The following SAMMSON variants were observed in gnomAD, a reference collection of about 807,000 sequenced individuals.
SAMMSON encodes the protein long intergenic non-protein coding RNA 1212.
rs539322156 is a variant in SAMMSON at position 70,308,224 on chromosome 3, T to C, written n.739+16981T>C. On this transcript the variant is annotated intron_variant and non_coding_transcript_variant, in intron 7 of 9. Transcript: ENST00000642114. ...TGCCATTACACCCAGCTAATTTTATTTTTTTGTTTTTATTTTATTTTTTTT... is the reference window on the plus strand; with the variant it reads ...TGCCATTACACCCAGCTAATTTTATCTTTTTGTTTTTATTTTATTTTTTTT... 2.8e-5 allele frequency among the ~76,000 whole-genome samples: 4 copies of C among 144,512 alleles called. No homozygotes were observed. The East Asian group carries it at 8.6e-4, about 31-fold the overall frequency. 94.8% of individuals were successfully genotyped at this position (144,512 alleles called of 152,430 possible). A position where few individuals can be genotyped will look rare whatever the true frequency, so the allele number is the denominator to read the frequency against.
chr3:70,048,129 C>T (rs2067133889), intron 3 of SAMMSON, among the ~76,000 whole-genome samples: 1 of 151,972 alleles, frequency 6.6e-6, no homozygotes, highest in Admixed American at 6.6e-5. Flanking sequence ...TTACACATTC[C>T]ACAATTCCCT....
intron 4 of SAMMSON, among the ~76,000 whole-genome samples, chr3:70,194,115 T>C (rs972892956): frequency 1.3e-5 from 2 of 152,216 alleles, no homozygotes; most frequent in African/African-American, 4.8e-5. Flanking sequence ...AGCAATGGTT[T>C]TATAAAAAAT....
chr3:70,380,824 G>A (rs1703059910), intron 9 of SAMMSON, among the ~76,000 whole-genome samples: 1 of 152,044 alleles, frequency 6.6e-6, no homozygotes, highest in South Asian at 2.1e-4. Flanking sequence ...ATAGTTTGCT[G>A]AGAATGATGG....
chr3:70,279,695 C>T (rs1472139752), intron 6 of SAMMSON, among the ~76,000 whole-genome samples: 1 of 152,190 alleles, frequency 6.6e-6, no homozygotes, highest in Non-Finnish European at 1.5e-5. Flanking sequence ...GATGCAAACA[C>T]ACACCCTGGG....
At chr3:70,015,603 T>A (rs2066980330) in intron 3 of SAMMSON, among the ~76,000 whole-genome samples, 2 of 152,152 alleles carry the variant, frequency 1.3e-5, no homozygotes, top group African/African-American at 4.8e-5. Context: ...CTAGGGTACA[T>A]GTGCACAATG....
chr3:70,093,495 C>T (rs893171329), intron 4 of SAMMSON, among the ~76,000 whole-genome samples: 3 of 152,170 alleles, frequency 2.0e-5, no homozygotes, highest in African/African-American at 7.2e-5. Flanking sequence ...AAATGACTTG[C>T]TCTGTGTTAG....
chr3:70,150,824 A>G (rs572134094), intron 4 of SAMMSON, among the ~76,000 whole-genome samples: 8 of 152,148 alleles, frequency 5.3e-5, no homozygotes, highest in African/African-American at 7.2e-5. Flanking sequence ...CCTGGGAAAT[A>G]TGGAGGGAAA....
intron 7 of SAMMSON, among the ~76,000 whole-genome samples, chr3:70,344,249 A>G (rs140936609): frequency 2.0e-5 from 3 of 152,254 alleles, no homozygotes; most frequent in African/African-American, 7.2e-5. Context: ...CCAAGCCCCC[A>G]GTTCCATAAG....
At chr3:70,172,715 C>G (rs1214958533) in intron 4 of SAMMSON, 2 of 151,948 alleles carry the variant, frequency 1.3e-5, no homozygotes, top group Non-Finnish European at 2.9e-5. Context: ...CATATTTTCT[C>G]TAGATGCTCA....
intron 4 of SAMMSON, among the ~76,000 whole-genome samples, chr3:70,198,536 G>C (rs1171160769): frequency 2.0e-5 from 3 of 152,146 alleles, no homozygotes; most frequent in Non-Finnish European, 4.4e-5. Flanking sequence ...ACTATATAAA[G>C]TTATAAGGTG....
chr3:70,342,195 G>A (rs1702716503), intron 7 of SAMMSON, among the ~76,000 whole-genome samples: 2 of 152,128 alleles, frequency 1.3e-5, no homozygotes, highest in Non-Finnish European at 2.9e-5. Context: ...TTTGTTTGAG[G>A]CAGAAATTAA....
rs148286849 is a variant in SAMMSON at position 70,386,055 on chromosome 3, G to A, written n.914-3519G>A. On this transcript the variant is annotated intron_variant and non_coding_transcript_variant, in intron 9 of 9. Coordinates refer to ENST00000642114, the Ensembl canonical transcript of SAMMSON. ...GAGCTAGGAGAGTTCTTCGCTGTGG[G>A]GAATCACACTGGCTGCTTGCCTCCA... Among the ~76,000 whole-genome samples the A allele has an allele frequency of 5.2e-3, 796 of 152,230 alleles. 4 individuals carry two copies. The highest frequency in any genetic ancestry group is 7.5e-3 in the Non-Finnish European group (509 of 68,012).
At chr3:70,209,485 A>G (rs1240240752) in intron 4 of SAMMSON, among the ~76,000 whole-genome samples, 1 of 152,052 alleles carries the variant, frequency 6.6e-6, no homozygotes, top group Non-Finnish European at 1.5e-5. Context: ...GGAGGTAGAT[A>G]TTGTTAGCCT....
chr3:70,239,158 A>G (rs1701640517), intron 4 of SAMMSON, among the ~76,000 whole-genome samples: 1 of 152,200 alleles, frequency 6.6e-6, no homozygotes, highest in Non-Finnish European at 1.5e-5. Flanking sequence ...GCAATAGTGA[A>G]AAGTGGGGCT....
chr3:70,352,416 T>G (rs1413612849), intron 7 of SAMMSON, among the ~76,000 whole-genome samples: 1 of 152,098 alleles, frequency 6.6e-6, no homozygotes, highest in Non-Finnish European at 1.5e-5. Flanking sequence ...TATCCAGCAA[T>G]ATATCCTATA....
intron 1 of SAMMSON, among the ~76,000 whole-genome samples, chr3:70,000,483 T>C (rs1448319370): frequency 6.6e-6 from 1 of 152,194 alleles, no homozygotes; most frequent in Non-Finnish European, 1.5e-5. Flanking sequence ...TGTTCAAGAT[T>C]AAATGAAAAA....
intron 4 of SAMMSON, among the ~76,000 whole-genome samples, chr3:70,191,125 C>A (rs752367176): frequency 6.6e-6 from 1 of 152,054 alleles, no homozygotes; most frequent in African/African-American, 2.4e-5. Flanking sequence ...AAATGAGGAA[C>A]CATAGGCAGA....
chr3:70,141,270 G>A (rs1048845434), intron 4 of SAMMSON, among the ~76,000 whole-genome samples: 7 of 152,104 alleles, frequency 4.6e-5, no homozygotes, highest in African/African-American at 1.4e-4. Flanking sequence ...ATGACCTGCC[G>A]TCTGCAAGCT....
In SAMMSON at chr3:70,290,264, G is replaced by T. The variant is rs921085441; in HGVS notation, n.675-915G>T. On this transcript the variant is annotated intron_variant and non_coding_transcript_variant, in intron 6 of 9. Coordinates refer to ENST00000642114, the Ensembl canonical transcript of SAMMSON. ...GTGTGGATGTCCTTTCTGTTTGTTA[G>T]TTTTCCTTCTAACAGACGGGACTCT... 9.7e-4 allele frequency among the ~76,000 whole-genome samples: 147 copies of T among 152,320 alleles called. 1 individual carries two copies. The highest frequency in any genetic ancestry group is 3.3e-3 in the African/African-American group (139 of 41,564).
Sources: allele counts gnomAD v4.1 joint callset (sites outside exome capture counted in the v4.1 genomes callset), GRCh38; gene constraint gnomAD v4.1.1; transcripts MANE v1.5; gene names NCBI Gene and HGNC (gene_info 2026-07-23, HGNC 2026-07-21).